The following IQCK variants were observed in gnomAD, a reference collection of about 807,000 sequenced individuals.
IQCK encodes IQ motif containing K, also known as IQ domain-containing protein K.
IQCK carries 29 observed loss-of-function variants against 28.1 expected under a neutral mutation model. The observed-to-expected ratio is 1.03, with a 90% confidence interval of 0.77 to 1.41. IQCK has a LOEUF of 1.41. Ranked by LOEUF, IQCK falls within the 40% of genes most tolerant of loss-of-function variation. IQCK has a pLI of 0.00. For missense variants in IQCK, 359 were observed against 314.7 expected, an observed-to-expected ratio of 1.14 and a Z score of -1.07; for synonymous variants, 113 against 115.1, an observed-to-expected ratio of 0.98 and a Z score of 0.12.
At chr16:19,736,141 T>C (rs1487388550) in intron 4 of IQCK, 3 of 455,882 alleles carry the variant, frequency 6.6e-6, no homozygotes, top group Non-Finnish European at 1.3e-5. Context: ...ATCTCTCTAC[T>C]CCATGCCAAC....
intron 9 of IQCK, among the ~76,000 whole-genome samples, chr16:19,845,899 A>AC (rs976643947): frequency 1.3e-4 from 20 of 151,686 alleles, no homozygotes; most frequent in Admixed American, 7.9e-4. Flanking sequence ...ACATGGTGAA[A>AC]CCCCATCTCT....
At chr16:19,854,722 G>A (rs2056532985) in intron 9 of IQCK, among the ~76,000 whole-genome samples, 1 of 152,156 alleles carries the variant, frequency 6.6e-6, no homozygotes, top group Admixed American at 6.5e-5. Context: ...CTTCCAATAG[G>A]CTATGGAAAT....
chr16:19,829,357 GAC>G (rs1597596232), downstream of IQCK, among the ~76,000 whole-genome samples: 1 of 147,330 alleles, frequency 6.8e-6, no homozygotes, highest in Non-Finnish European at 1.5e-5. Flanking sequence ...TTTTTTCTGA[GAC>G]AGAGTCTCGC....
Position 19,765,422 on chromosome 16 carries a change from C to T in IQCK, c.605+1310C>T, listed in dbSNP as rs180814723. Among the ~76,000 whole-genome samples, 245 of 151,890 alleles carry T rather than the reference C, an allele frequency of 1.6e-3. 2 individuals are homozygous for T. Among genetic ancestry groups the T allele is most frequent in the Middle Eastern group, 0.01 (3 of 294 alleles). ...GCACGGTGGCACGTGCCTGTAATCC[C>T]AGCTACTCAGGAGGCTGAGGCAGGA... On this transcript the variant is annotated intron_variant, in intron 6 of 7. Transcript: ENST00000564186.
intron 7 of IQCK, among the ~76,000 whole-genome samples, chr16:19,815,486 A>G (rs1449226492): frequency 3.9e-5 from 6 of 152,002 alleles, no homozygotes; most frequent in Non-Finnish European, 7.4e-5. Context: ...CCCCATCTCT[A>G]CAATTAGGAA....
chr16:19,841,846 TC>T, intron 9 of IQCK, among the ~76,000 whole-genome samples: 1 of 136,080 alleles, frequency 7.3e-6, no homozygotes, highest in South Asian at 2.9e-4. Context: ...TTGTAAGCCA[TC>T]TTTTTTTTTT....
downstream of IQCK, among the ~76,000 whole-genome samples, chr16:19,830,010 TGAAC>T (rs1469154501): frequency 7.8e-6 from 1 of 128,684 alleles, no homozygotes; most frequent in Non-Finnish European, 1.6e-5. Context: ...AAATATCAGT[TGAAC>T]GAATGAATGA....
chr16:19,858,335 G>C (rs1051399992), exon 10 of IQCK: 2 of 442,262 alleles, frequency 4.5e-6, no homozygotes, highest in Non-Finnish European at 8.0e-6. Flanking sequence ...GGGGAAAAAG[G>C]TCTCATTAAA....
At chr16:19,848,440 T>C (rs1268537415) in intron 9 of IQCK, among the ~76,000 whole-genome samples, 4 of 152,258 alleles carry the variant, frequency 2.6e-5, no homozygotes. Flanking sequence ...TTCAAGTTCT[T>C]GGCTGTGTTT....
At chr16:19,748,294 G>T (rs922484018) in intron 4 of IQCK, among the ~76,000 whole-genome samples, 1 of 151,884 alleles carries the variant, frequency 6.6e-6, no homozygotes, top group African/African-American at 2.4e-5. Context: ...AGGCCAGTCT[G>T]AAACTTCTGA....
At position 19,746,115 on chromosome 16, in the gene IQCK, C is replaced by T. The variant is rs189502982; in HGVS notation, c.474+10665C>T. Among the ~76,000 whole-genome samples, 3 of 129,710 alleles carry T rather than the reference C, an allele frequency of 2.3e-5. No homozygotes were observed. In the East Asian group the frequency reaches 6.7e-4, roughly 29 times the overall value. The allele number at this position is 129,710 out of a possible 152,430, so 85.1% of individuals were successfully genotyped here. A position where few individuals can be genotyped will look rare whatever the true frequency, so the allele number is the denominator to read the frequency against. On this transcript the variant is annotated intron_variant, in intron 4 of 7. Transcript: ENST00000564186. ...ACCCAGGAGGCAGGGTTGCAGTGAGCAGAGATCCAGCTTGGGGGACAGAGT... is the reference window on the plus strand; with the variant it reads ...ACCCAGGAGGCAGGGTTGCAGTGAGTAGAGATCCAGCTTGGGGGACAGAGT...
intron 6 of IQCK, among the ~76,000 whole-genome samples, chr16:19,767,144 G>A (rs1240858070): frequency 2.0e-5 from 3 of 152,126 alleles, no homozygotes; most frequent in Admixed American, 6.5e-5. Context: ...GCAGGTTGTC[G>A]GGCTCCCACC....
At chr16:19,754,451 G>T (rs980405746) in intron 4 of IQCK, among the ~76,000 whole-genome samples, 1 of 152,172 alleles carries the variant, frequency 6.6e-6, no homozygotes, top group Non-Finnish European at 1.5e-5. Flanking sequence ...CTTACTCCAT[G>T]TAACGTAAAA....
chr16:19,803,604 A>G (rs749223712), intron 7 of IQCK, among the ~76,000 whole-genome samples: 1 of 152,210 alleles, frequency 6.6e-6, no homozygotes, highest in Non-Finnish European at 1.5e-5. Flanking sequence ...GATGAAGAAT[A>G]ATAATAGCTG....
chr16:19,838,356 A>C (rs1208629632), intron 9 of IQCK, among the ~76,000 whole-genome samples: 1 of 152,180 alleles, frequency 6.6e-6, no homozygotes, highest in Non-Finnish European at 1.5e-5. Flanking sequence ...AATTTGGGAA[A>C]GTTTGGAGGA....
At chr16:19,816,656 T>C (rs1163117532) in intron 7 of IQCK, among the ~76,000 whole-genome samples, 4 of 152,228 alleles carry the variant, frequency 2.6e-5, no homozygotes, top group African/African-American at 9.6e-5. Flanking sequence ...TTCAATACTT[T>C]GTAAACCCTT....
At chr16:19,814,970 A>G (rs1465751462) in intron 7 of IQCK, among the ~76,000 whole-genome samples, 1 of 151,910 alleles carries the variant, frequency 6.6e-6, no homozygotes, top group Non-Finnish European at 1.5e-5. Context: ...GTTTTTTTGT[A>G]GAGCTGAAGT....
At chr16:19,768,455 C>T (rs549735539) in intron 6 of IQCK, among the ~76,000 whole-genome samples, 1 of 152,234 alleles carries the variant, frequency 6.6e-6, no homozygotes, top group South Asian at 2.1e-4. Flanking sequence ...GTATTCAAAT[C>T]TCCACCACTG....
intron 7 of IQCK, among the ~76,000 whole-genome samples, chr16:19,822,784 T>C (rs1395555648): frequency 1.3e-5 from 2 of 152,196 alleles, no homozygotes; most frequent in Non-Finnish European, 2.9e-5. Context: ...TTGCATAACA[T>C]TGTAAGTGTA....
Sources: allele counts gnomAD v4.1 joint callset (sites outside exome capture counted in the v4.1 genomes callset), GRCh38; gene constraint gnomAD v4.1.1; transcripts MANE v1.5; gene names NCBI Gene and HGNC (gene_info 2026-07-23, HGNC 2026-07-21).